RERE: variants seen among roughly 807,000 people sequenced by gnomAD.
The protein encoded by RERE is arginine-glutamic acid dipeptide repeats protein.
A neutral mutation model predicts 146.1 loss-of-function variants in RERE; 40 were observed. The observed-to-expected ratio is 0.27, with a 90% confidence interval of 0.21 to 0.36. The LOEUF is 0.36. RERE is among the 10% of genes least tolerant of loss of function. The pLI, the probability that RERE is intolerant of heterozygous loss-of-function variation, is 1.00. For synonymous variants in RERE, 1,003 were observed against 866.0 expected (o/e 1.16, Z -2.78); for missense variants, 1,933 against 2,138.7 (o/e 0.90, Z 1.90).
intron 2 of RERE, among the ~76,000 whole-genome samples, chr1:8,632,310 C>T (rs969968399): frequency 1.3e-5 from 2 of 152,140 alleles, no homozygotes; most frequent in African/African-American, 4.8e-5. Context: ...CATCCTGCAG[C>T]GCAGATTTCA....
intron 7 of RERE, chr1:8,525,861 C>A: frequency 6.7e-7 from 1 of 1,484,238 alleles, no homozygotes; most frequent in Non-Finnish European, 8.9e-7. Context: ...CTTTTCTACA[C>A]TAACAACTCA....
intron 1 of RERE, among the ~76,000 whole-genome samples, chr1:8,701,556 T>C (rs1366730595): frequency 6.6e-6 from 1 of 152,198 alleles, no homozygotes; most frequent in East Asian, 1.9e-4. Context: ...TCTTTAAATA[T>C]GTTATTGAAC....
intron 1 of RERE, among the ~76,000 whole-genome samples, chr1:8,803,175 G>T (rs1641618458): frequency 6.6e-6 from 1 of 152,168 alleles, no homozygotes; most frequent in South Asian, 2.1e-4. Flanking sequence ...TATCTGAGCT[G>T]TGAAAAGAAG....
At chr1:8,355,144 G>GT (rs778984160) in intron 22 of RERE, 24 bp from the exon 23 acceptor site, 18 of 1,612,716 alleles carry the variant, frequency 1.1e-5, no homozygotes, top group Admixed American at 1.7e-5. Flanking sequence ...ACAGGAAAGC[G>GT]TATTTAGTCT....
At chr1:8,416,052 G>GC (rs1303125913) in intron 12 of RERE, among the ~76,000 whole-genome samples, 1 of 152,170 alleles carries the variant, frequency 6.6e-6, no homozygotes, top group Non-Finnish European at 1.5e-5. Flanking sequence ...AGAAAGCAAT[G>GC]CCCGAAAACA....
intron 12 of RERE, among the ~76,000 whole-genome samples, chr1:8,387,016 A>G (rs1347092090): frequency 6.6e-6 from 1 of 152,236 alleles, no homozygotes; most frequent in Non-Finnish European, 1.5e-5. Flanking sequence ...TTTAAAGAAG[A>G]ATAAAGTGCC....
intron 7 of RERE, among the ~76,000 whole-genome samples, chr1:8,513,377 T>C (rs1175444301): frequency 6.6e-6 from 1 of 152,246 alleles, no homozygotes; most frequent in Non-Finnish European, 1.5e-5. Flanking sequence ...AAAAGACAGC[T>C]AGATTCTCCT....
intron 2 of RERE, among the ~76,000 whole-genome samples, chr1:8,636,076 C>T (rs1647098822): frequency 6.6e-6 from 1 of 152,192 alleles, no homozygotes; most frequent in South Asian, 2.1e-4. Context: ...GCAACCTCCG[C>T]CTCCCAGGTT....
chr1:8,764,940 T>G (rs932778249), intron 1 of RERE, among the ~76,000 whole-genome samples: 2 of 152,182 alleles, frequency 1.3e-5, no homozygotes, highest in African/African-American at 4.8e-5. Flanking sequence ...AGTTTGTCAG[T>G]TTCTCAAAAT....
chr1:8,355,285 C>T, intron 22 of RERE, 134 bp downstream of exon 22: 1 of 1,164,300 alleles, frequency 8.6e-7, no homozygotes, highest in South Asian at 1.4e-5. Flanking sequence ...CTGTTTCTCC[C>T]ATCACCATGG....
At chr1:8,691,975 G>C (rs577427654) in intron 1 of RERE, among the ~76,000 whole-genome samples, 12 of 152,200 alleles carry the variant, frequency 7.9e-5, no homozygotes, top group African/African-American at 2.9e-4. Context: ...CCAAGGACAG[G>C]ACCAAATCTT....
chr1:8,504,542 A>G (rs1220072722), intron 8 of RERE, among the ~76,000 whole-genome samples: 3 of 152,204 alleles, frequency 2.0e-5, no homozygotes, highest in Non-Finnish European at 4.4e-5. Context: ...ATCCCTAATA[A>G]AATAATGGAT....
Position 8,359,872 on chromosome 1 carries a change from G to A in RERE, c.3510C>T (p.Ala1170=), listed in dbSNP as rs1358135388. The change falls in exon 19 of 23, where the codon GCC becomes GCT. Residue 1170 remains alanine (A), a synonymous_variant. Transcript: ENST00000400908. The part of the protein sequence containing the change: ...AKKREEAIEK[A]KREAEQKARE... ...GGGCTTTCTGCTCAGCCTCGCGCTT[G>A]GCCTTCTCAATGGCCTCCTCCCTCT... The A allele has an allele frequency of 1.2e-6, 2 of 1,612,752 alleles. No individual in the cohort carries two copies. The highest frequency in any genetic ancestry group is 1.7e-6 in the Non-Finnish European group (2 of 1,179,998).
At chr1:8,466,673 AAAGT>A (rs1350645601) in intron 10 of RERE, among the ~76,000 whole-genome samples, 3 of 152,234 alleles carry the variant, frequency 2.0e-5, no homozygotes, top group Non-Finnish European at 4.4e-5. Context: ...CTTTTTAAAG[AAAGT>A]AAGTCTGTAA....
intron 12 of RERE, among the ~76,000 whole-genome samples, chr1:8,385,996 ATATAT>A (rs1557603068): frequency 2.7e-3 from 69 of 25,348 alleles, no homozygotes; most frequent in Non-Finnish European, 4.0e-3. Flanking sequence ...AAAAAAAAAT[ATATAT>A]ATATATATAT....
chr1:8,745,315 C>T (rs1043978593), intron 1 of RERE, among the ~76,000 whole-genome samples: 1 of 152,136 alleles, frequency 6.6e-6, no homozygotes, highest in Admixed American at 6.5e-5. Flanking sequence ...TTTCCTGAGG[C>T]CTCTCCAGCT....
At chr1:8,497,668 C>T (rs1049115010) in intron 8 of RERE, 139 bp from the exon 9 acceptor site, 1 of 873,676 alleles carries the variant, frequency 1.1e-6, no homozygotes, top group African/African-American at 1.7e-5. Flanking sequence ...ACAACAAAAC[C>T]ATGAGTCATT....
At chr1:8,805,158 C>A (rs1342823533) in intron 1 of RERE, among the ~76,000 whole-genome samples, 1 of 151,532 alleles carries the variant, frequency 6.6e-6, no homozygotes, top group Non-Finnish European at 1.5e-5. Context: ...ATGCCCGCCA[C>A]CATACCCAGC....
chr1:8,639,644 T>C (rs1341105336), intron 2 of RERE, among the ~76,000 whole-genome samples: 1 of 152,228 alleles, frequency 6.6e-6, no homozygotes, highest in Non-Finnish European at 1.5e-5. Context: ...CAAAACCTTA[T>C]GTGTATTTCT....
Sources: gnomAD v4.1 joint callset for allele counts (sites outside exome capture counted in the v4.1 genomes callset) on GRCh38, gnomAD v4.1.1 for gene constraint, MANE v1.5 for transcripts, NCBI Gene and HGNC (gene_info 2026-07-23, HGNC 2026-07-21) for gene names.